CREB3L2: variants seen among roughly 807,000 people sequenced by gnomAD.
CREB3L2 encodes cyclic AMP-responsive element-binding protein 3-like protein 2.
CREB3L2 carries 23 observed loss-of-function variants against 57.2 expected under a neutral mutation model. That is an observed-to-expected ratio of 0.40 (90% CI 0.29 to 0.57). The LOEUF is 0.57. CREB3L2 is among the 20% of genes least tolerant of loss of function. CREB3L2 has a pLI of 0.42. For missense variants in CREB3L2, 628 were observed against 634.7 expected (o/e 0.99, Z 0.11); for synonymous variants, 268 against 265.1 (o/e 1.01, Z -0.11).
chr7:137,886,120 C>G (rs1049023668), intron 8 of CREB3L2, among the ~76,000 whole-genome samples: 6 of 152,176 alleles, frequency 3.9e-5, no homozygotes, highest in African/African-American at 1.4e-4. Flanking sequence ...GCCTCCAGAA[C>G]TGTAAGAGAT....
intron 1 of CREB3L2, among the ~76,000 whole-genome samples, chr7:138,000,361 A>G (rs1802054237): frequency 6.6e-6 from 1 of 152,192 alleles, no homozygotes; most frequent in South Asian, 2.1e-4. Flanking sequence ...TGTCCCCATG[A>G]CAAGCTCAGC....
At chr7:137,960,264 A>G (rs1014379600) in intron 1 of CREB3L2, among the ~76,000 whole-genome samples, 1 of 152,234 alleles carries the variant, frequency 6.6e-6, no homozygotes, top group Admixed American at 6.5e-5. Context: ...TACATAGCTC[A>G]TGAATTTTCC....
intron 1 of CREB3L2, among the ~76,000 whole-genome samples, chr7:137,940,314 A>G (rs1800860427): frequency 6.6e-6 from 1 of 152,178 alleles, no homozygotes. Flanking sequence ...TGAAGGCACA[A>G]GCTAAGGTAT....
At chr7:137,905,881 G>A (rs756986630) in intron 5 of CREB3L2, 33 bp from the exon 6 acceptor site, 3 of 1,559,384 alleles carry the variant, frequency 1.9e-6, no homozygotes, top group Admixed American at 2.0e-5. Context: ...AAGGGTCAAA[G>A]AAAAAGAACT....
intron 1 of CREB3L2, among the ~76,000 whole-genome samples, chr7:137,950,443 G>A (rs921875259): frequency 2.0e-5 from 3 of 152,142 alleles, no homozygotes; most frequent in African/African-American, 4.8e-5. Flanking sequence ...AAATGCTAAC[G>A]CCTCTCATAA....
intron 8 of CREB3L2, among the ~76,000 whole-genome samples, chr7:137,895,889 C>T (rs1799619645): frequency 6.6e-6 from 1 of 152,236 alleles, no homozygotes; most frequent in African/African-American, 2.4e-5. Flanking sequence ...GGATCCTCTT[C>T]ACTTATCAAA....
chr7:138,000,078 G>C (rs950880729), intron 1 of CREB3L2, among the ~76,000 whole-genome samples: 5 of 152,186 alleles, frequency 3.3e-5, no homozygotes, highest in Non-Finnish European at 7.3e-5. Flanking sequence ...GAACAGCAAG[G>C]TAGATGCCTG....
chr7:137,955,336 G>C (rs751918536), intron 1 of CREB3L2: 1 of 1,288,658 alleles, frequency 7.8e-7, no homozygotes, highest in Admixed American at 2.3e-5. Context: ...ATCCTGGTTT[G>C]GTAAGCACCA....
intron 8 of CREB3L2, among the ~76,000 whole-genome samples, chr7:137,894,151 G>A (rs1364401): frequency 0.053 from 8,129 of 152,218 alleles, 622 homozygotes; most frequent in African/African-American, 0.16. Context: ...TGGTAACCTG[G>A]ACAGATGAGG....
rs1439252348 is a variant in CREB3L2 at position 137,928,234 on chromosome 7, C to T, written c.235G>A (p.Ala79Thr). The T allele has an allele frequency of 6.2e-7, 1 of 1,612,148 alleles. No homozygotes were observed. The highest frequency in any genetic ancestry group is 8.5e-7 in the Non-Finnish European group (1 of 1,179,068). ...TCGCACAGGGAGTAGCTGTGCTCAG[C>T]CTGGATGAGAGGCGCCGGGGACGTC... is the stretch of plus-strand genomic sequence containing the variant. ...SPTSPAPLIQAEHSYSLCEEP... is the reference protein window; with the variant it reads ...SPTSPAPLIQTEHSYSLCEEP... The change falls in exon 2 of 12, where the codon GCT becomes ACT. Residue 79 changes from alanine to threonine, a missense_variant. Ala to Thr is a moderately conservative substitution (Grantham distance 58). Around this residue, in one of 3 missense-constraint regions of CREB3L2, gnomAD observed 339 missense variants for 355.4 expected, o/e 0.95. Coordinates refer to ENST00000330387, the MANE Select transcript of CREB3L2 (RefSeq NM_194071.4).
chr7:137,996,162 G>A (rs1456897839), intron 1 of CREB3L2, among the ~76,000 whole-genome samples: 1 of 152,186 alleles, frequency 6.6e-6, no homozygotes, highest in African/African-American at 2.4e-5. Context: ...TCACCCTTTT[G>A]ACCTGAAGTA....
rs145208085 is a variant in CREB3L2 at position 137,981,975 on chromosome 7, G to A, written c.102+19629C>T. Reference sequence around the variant, plus strand: ...TGCCAGCAGTCAGGGTCTAATTAGTGCCCAGCAGCAAGAGGGAGCAGAGCT... The same window carrying A: ...TGCCAGCAGTCAGGGTCTAATTAGTACCCAGCAGCAAGAGGGAGCAGAGCT... On this transcript the variant is annotated intron_variant, in intron 1 of 11. Transcript: ENST00000330387. 3.9e-5 allele frequency among the ~76,000 whole-genome samples: 6 copies of A among 152,258 alleles called. No individual in the cohort carries two copies. The East Asian group carries it at 1.2e-3, about 29-fold the overall frequency.
At chr7:137,997,046 C>A (rs140947103) in intron 1 of CREB3L2, among the ~76,000 whole-genome samples, 3 of 152,268 alleles carry the variant, frequency 2.0e-5, no homozygotes, top group African/African-American at 7.2e-5. Context: ...AACCTCTCCC[C>A]CTAAAGCCTC....
At chr7:137,884,636 C>T in intron 10 of CREB3L2, 1 of 555,956 alleles carries the variant, frequency 1.8e-6, no homozygotes, top group Non-Finnish European at 3.2e-6. Context: ...TCAGTGGAGG[C>T]AGAAACACAG....
chr7:137,918,742 TA>T (rs397936774), intron 2 of CREB3L2, among the ~76,000 whole-genome samples: 64 of 146,534 alleles, frequency 4.4e-4, no homozygotes, highest in African/African-American at 1.4e-3. Flanking sequence ...AGGCAAAAGT[TA>T]AAAAAAAAAG....
chr7:137,938,194 A>G (rs1475258146), intron 1 of CREB3L2, among the ~76,000 whole-genome samples: 3 of 152,214 alleles, frequency 2.0e-5, no homozygotes, highest in Non-Finnish European at 2.9e-5. Flanking sequence ...CAATGTGTCA[A>G]TGTATCTACC....
rs1395677685 is a variant in CREB3L2 at position 137,879,069 on chromosome 7, T to C, written c.*1407A>G. The C allele has an allele frequency of 2.3e-6, 1 of 438,304 alleles. No homozygotes were observed. The highest frequency in any genetic ancestry group is 4.3e-6 in the Non-Finnish European group (1 of 232,828). The allele number at this position is 438,304 out of a possible 1,614,324, so 27.2% of individuals were successfully genotyped here. ...CTTTCCCAAGCTCGGAAAAAACACT[T>C]GAGGGTTTTCTACATTACACAATAA... On this transcript the variant is annotated 3_prime_UTR_variant, in exon 12 of 12. Coordinates refer to ENST00000330387, the MANE Select transcript of CREB3L2 (RefSeq NM_194071.4).
At chr7:137,922,116 G>A (rs1243695329) in intron 2 of CREB3L2, among the ~76,000 whole-genome samples, 1 of 151,606 alleles carries the variant, frequency 6.6e-6, no homozygotes, top group Non-Finnish European at 1.5e-5. Flanking sequence ...CTGAGCACAA[G>A]ATGAATGTGT....
intron 2 of CREB3L2, among the ~76,000 whole-genome samples, chr7:137,920,140 C>G (rs1188536171): frequency 2.0e-5 from 3 of 152,210 alleles, no homozygotes; most frequent in Non-Finnish European, 4.4e-5. Flanking sequence ...TTCCTCCTCC[C>G]TCCATCCATG....
Sources: gnomAD v4.1 joint callset for allele counts (sites outside exome capture counted in the v4.1 genomes callset) on GRCh38, gnomAD v4.1.1 for gene constraint, gnomAD v4.1.1 regional missense constraint, MANE v1.5 for transcripts, NCBI Gene and HGNC (gene_info 2026-07-23, HGNC 2026-07-21) for gene names.